Variants in KCNU1 observed in about 807,000 individuals in gnomAD.
KCNU1 encodes the protein potassium channel subfamily U member 1.
In KCNU1, 93 loss-of-function variants were observed where a neutral mutation model predicts 126.8. That is an observed-to-expected ratio of 0.73 (90% CI 0.62 to 0.87). KCNU1 has a LOEUF of 0.87. Ranked by LOEUF, KCNU1 falls within the 40% of genes least tolerant of loss-of-function variation. KCNU1 has a pLI of 0.00. For synonymous variants in KCNU1, 523 were observed against 494.2 expected (o/e 1.06, Z -0.77); for missense variants, 1,330 against 1,367.1 (o/e 0.97, Z 0.43).
chr8:36,926,352 T>A (rs1808532367), intron 24 of KCNU1, among the ~76,000 whole-genome samples: 1 of 152,132 alleles, frequency 6.6e-6, no homozygotes, highest in Non-Finnish European at 1.5e-5. Flanking sequence ...TTCAAGTTTA[T>A]TTTAGAGGGC....
chr8:36,808,502 C>T (rs923134092), intron 6 of KCNU1, among the ~76,000 whole-genome samples: 1 of 152,054 alleles, frequency 6.6e-6, no homozygotes, highest in African/African-American at 2.4e-5. Flanking sequence ...TTCTCAACCT[C>T]TAATGTGTAT....
At chr8:36,865,585 A>T (rs188071112) in intron 19 of KCNU1, among the ~76,000 whole-genome samples, 2 of 148,912 alleles carry the variant, frequency 1.3e-5, no homozygotes, top group Admixed American at 1.4e-4. Flanking sequence ...GGGGCAATAT[A>T]GAAAGACCCT....
At chr8:36,816,624 A>G (rs1412390527) in intron 9 of KCNU1, among the ~76,000 whole-genome samples, 1 of 149,480 alleles carries the variant, frequency 6.7e-6, no homozygotes, top group Non-Finnish European at 1.5e-5. Flanking sequence ...CACATACTAA[A>G]TCAGTCAATA....
At chr8:36,838,638 A>C (rs1234992649) in intron 14 of KCNU1, among the ~76,000 whole-genome samples, 3 of 152,110 alleles carry the variant, frequency 2.0e-5, no homozygotes, top group Non-Finnish European at 4.4e-5. Context: ...TGGGGGTTGC[A>C]GTGAGCTGAG....
chr8:36,921,999 T>G (rs973026586), intron 23 of KCNU1, among the ~76,000 whole-genome samples: 1 of 152,194 alleles, frequency 6.6e-6, no homozygotes, highest in African/African-American at 2.4e-5. Context: ...ATGATTCATA[T>G]GTGCATTACA....
chr8:36,811,401 A>T (rs1803706284), intron 7 of KCNU1, among the ~76,000 whole-genome samples: 1 of 152,110 alleles, frequency 6.6e-6, no homozygotes, highest in Non-Finnish European at 1.5e-5. Context: ...TACAGGGGGG[A>T]ACCAATGAGA....
intron 10 of KCNU1, among the ~76,000 whole-genome samples, chr8:36,824,803 A>G (rs1466031084): frequency 6.6e-6 from 1 of 152,134 alleles, no homozygotes. Flanking sequence ...CCATATTGCA[A>G]CTGGAAATAG....
Position 36,784,575 on chromosome 8 carries a change from G to A in KCNU1, c.165G>A (p.Trp55Ter). 1 of 1,613,414 alleles carries A rather than the reference G, an allele frequency of 6.2e-7. No homozygotes were observed. Among genetic ancestry groups the A allele is most frequent in the Non-Finnish European group, 8.5e-7 (1 of 1,179,596 alleles). The change falls in exon 1 of 27, where the codon TGG becomes TGA. Residue 55 changes from tryptophan to a stop codon, truncating the protein, a stop_gained. Coordinates refer to ENST00000399881, the MANE Select transcript of KCNU1 (RefSeq NM_001031836.3). LOFTEE classifies it high-confidence loss of function. ...TGATCTGGAGATCTGTTAAAAAATG[G>A]CAAATCATCAAGGGAACAGGAATTA... ...FRLIWRSVKK[W>*]QIIKGTGIIL...
intron 19 of KCNU1, among the ~76,000 whole-genome samples, chr8:36,893,594 G>A (rs556903244): frequency 3.7e-4 from 56 of 152,114 alleles, no homozygotes; most frequent in African/African-American, 1.3e-3. Flanking sequence ...CAGAGCTACT[G>A]TTATTGTAAG....
Position 36,856,751 on chromosome 8 carries a change from C to A in KCNU1, c.1892-7653C>A, listed in dbSNP as rs181125085. 1.4e-3 allele frequency among the ~76,000 whole-genome samples: 206 copies of A among 152,226 alleles called. 1 individual carries two copies. Among genetic ancestry groups the A allele is most frequent in the African/African-American group, 4.9e-3 (202 of 41,540 alleles). ...ACAGTATTACGCAATTAAATTTGGG[C>A]CCCTTTGTAAGAGTGGTTTCTAAGA... On this transcript the variant is annotated intron_variant, in intron 18 of 26. Transcript: ENST00000399881.
chr8:36,897,846 G>C (rs1807258588), intron 19 of KCNU1, among the ~76,000 whole-genome samples: 1 of 151,956 alleles, frequency 6.6e-6, no homozygotes, highest in East Asian at 1.9e-4. Context: ...TTTAATCAAG[G>C]CATGCCTCCT....
intron 18 of KCNU1, among the ~76,000 whole-genome samples, chr8:36,851,450 C>G (rs374186397): frequency 1.3e-5 from 2 of 151,554 alleles, no homozygotes; most frequent in African/African-American, 4.8e-5. Context: ...TCCTTGCTTT[C>G]CTTTTGTCTT....
At chr8:36,829,676 T>C (rs1007229686) in intron 10 of KCNU1, among the ~76,000 whole-genome samples, 2 of 151,246 alleles carry the variant, frequency 1.3e-5, no homozygotes, top group African/African-American at 4.8e-5. Flanking sequence ...ACTGCAGAAA[T>C]TTAATGCGAA....
intron 7 of KCNU1, 128 bp downstream of exon 7, chr8:36,808,921 T>C: frequency 1.6e-6 from 1 of 633,768 alleles, no homozygotes; most frequent in South Asian, 2.0e-5. Context: ...GTCTTTCTAC[T>C]TCCCATTTTC....
intron 19 of KCNU1, chr8:36,888,464 C>G (rs887057993): frequency 2.3e-5 from 11 of 469,962 alleles, no homozygotes; most frequent in African/African-American, 4.0e-5. Context: ...ACCTTCATCT[C>G]CCTTCAGCCC....
chr8:36,833,768 T>C, intron 11 of KCNU1, 109 bp downstream of exon 11: 1 of 618,660 alleles, frequency 1.6e-6, no homozygotes, highest in Non-Finnish European at 2.9e-6. Context: ...CTTTAATTGG[T>C]GGAAAATATA....
At chr8:36,803,618 T>C (rs1308996957) in intron 2 of KCNU1, among the ~76,000 whole-genome samples, 3 of 152,286 alleles carry the variant, frequency 2.0e-5, no homozygotes, top group Non-Finnish European at 2.9e-5. Context: ...CTATTTCCAA[T>C]AACCCCTTCT....
At chr8:36,929,766 C>T (rs1334320698) in intron 24 of KCNU1, among the ~76,000 whole-genome samples, 1 of 152,026 alleles carries the variant, frequency 6.6e-6, no homozygotes, top group African/African-American at 2.4e-5. Flanking sequence ...TGCATCAGAT[C>T]CTGAAAGTTT....
intron 19 of KCNU1, among the ~76,000 whole-genome samples, chr8:36,867,633 T>G (rs1228761895): frequency 6.6e-6 from 1 of 152,188 alleles, no homozygotes; most frequent in Non-Finnish European, 1.5e-5. Context: ...TCTGTGATGG[T>G]AAAGGGTTGG....
Sources: allele counts gnomAD v4.1 joint callset (sites outside exome capture counted in the v4.1 genomes callset), GRCh38; gene constraint gnomAD v4.1.1; transcripts MANE v1.5; gene names NCBI Gene and HGNC (gene_info 2026-07-23, HGNC 2026-07-21).